Variants in ZNF174 observed in about 807,000 individuals in gnomAD.
ZNF174 encodes AW-1.
ZNF174 carries 30 observed loss-of-function variants against 38.7 expected under a neutral mutation model. The ratio of observed to expected loss-of-function variants is 0.78; its 90% CI spans 0.58 to 1.05. The LOEUF is 1.05. Ranked by LOEUF, ZNF174 falls within the 50% of genes least tolerant of loss-of-function variation. The pLI is 0.00. For synonymous variants in ZNF174, 201 were observed against 181.7 expected (o/e 1.11, Z -0.86); for missense variants, 499 against 495.6 (o/e 1.01, Z -0.06).
Position 3,402,012 on chromosome 16 carries a change from C to G in ZNF174, c.8C>G (p.Ala3Gly). The G allele has an allele frequency of 6.2e-7, 1 of 1,612,264 alleles. No individual in the cohort carries two copies. Among genetic ancestry groups the G allele is most frequent in the Middle Eastern group, 1.7e-4 (1 of 6,058 alleles). MA[A>G]KMEITLSSNT... The stretch of plus-strand genomic sequence containing the variant: ...TGTCTCCTGACGCCCAAAATGGCAG[C>G]TAAAATGGAGATAACTTTAAGCTCC... Residue 3 changes from alanine to glycine, a missense_variant, in exon 1 of 3, where the codon GCT becomes GGT. Coordinates refer to ENST00000268655, the MANE Select transcript of ZNF174 (RefSeq NM_003450.3).
At position 3,408,993 on chromosome 16, in the gene ZNF174, A is replaced by G; in HGVS notation, c.*74A>G. On this transcript the variant is annotated 3_prime_UTR_variant, in exon 3 of 3. Transcript: ENST00000268655. ...CCTCCCCCTTACTTGCATGTAAATC[A>G]CAAAAACTGTGTGACTTACAAGGAA... 9 of 1,403,226 alleles carry G rather than the reference A, an allele frequency of 6.4e-6. No homozygotes were observed. The highest frequency in any genetic ancestry group is 8.7e-6 in the Non-Finnish European group (9 of 1,031,176). The allele number at this position is 1,403,226 out of a possible 1,614,324, so 86.9% of individuals were successfully genotyped here.
intron 1 of ZNF174, among the ~76,000 whole-genome samples, chr16:3,404,093 G>A (rs954914270): frequency 6.6e-6 from 1 of 152,148 alleles, no homozygotes; most frequent in African/African-American, 2.4e-5. Context: ...AGAAGTAGGT[G>A]GGGGGTGGTG....
At chr16:3,405,941 G>A (rs945567975) in intron 2 of ZNF174, among the ~76,000 whole-genome samples, 2 of 152,206 alleles carry the variant, frequency 1.3e-5, no homozygotes, top group African/African-American at 4.8e-5. Context: ...CTGGGAGGTC[G>A]AGGCTGCAGT....
intron 2 of ZNF174, among the ~76,000 whole-genome samples, chr16:3,405,801 G>A (rs1306017745): frequency 6.6e-6 from 1 of 152,200 alleles, no homozygotes. Context: ...AGGCTCAGGA[G>A]TTCGAGACCA....
chr16:3,409,003 T>C lies in ZNF174; in HGVS notation c.*84T>C. ...ACTTGCATGTAAATCACAAAAACTG[T>C]GTGACTTACAAGGAAAGCACGAGGC... is the stretch of plus-strand genomic sequence containing the variant. On this transcript the variant is annotated 3_prime_UTR_variant, in exon 3 of 3. Coordinates refer to ENST00000268655, the MANE Select transcript of ZNF174 (RefSeq NM_003450.3). 1 of 1,374,924 alleles carries C rather than the reference T, an allele frequency of 7.3e-7. No individual in the cohort carries two copies. 85.2% of individuals were successfully genotyped at this position (1,374,924 alleles called of 1,614,324 possible). A position where few individuals can be genotyped will look rare whatever the true frequency, so the allele number is the denominator to read the frequency against.
Position 3,404,560 on chromosome 16 carries a change from C to A in ZNF174, c.537C>A (p.Ser179=), listed in dbSNP as rs370483754. 2 of 1,614,074 alleles carry A rather than the reference C, an allele frequency of 1.2e-6. No individual in the cohort carries two copies. The highest frequency in any genetic ancestry group is 2.7e-5 in the African/African-American group (2 of 74,912). ...GGGAGAGCTCTCCAGCAGAGCCTTC[C>A]CAGGCAGGAGCTTATGACCGGCTGA... ...DLRESSPAEP[S]QAGAYDRLSP... Residue 179 remains serine (S), a synonymous_variant, in exon 2 of 3, where the codon TCC becomes TCA. Transcript: ENST00000268655.
chr16:3,407,729 A>G (rs974921832), intron 2 of ZNF174, among the ~76,000 whole-genome samples: 13 of 152,182 alleles, frequency 8.5e-5, no homozygotes, highest in Admixed American at 5.9e-4. Flanking sequence ...CAGACTGTCA[A>G]TCCTTCTGTA....
At position 3,402,134 on chromosome 16, in the gene ZNF174, C is replaced by G. The variant is rs746310667; in HGVS notation, c.130C>G (p.Leu44Val). ...GCAAAAAAACTGCCCAGATCCTGAGCTCTGCCGCCAGAGCTTCAGACGCTT... is the reference window on the plus strand; with the variant it reads ...GCAAAAAAACTGCCCAGATCCTGAGGTCTGCCGCCAGAGCTTCAGACGCTT... ...PLQKNCPDPE[L>V]CRQSFRRFCY... The change falls in exon 1 of 3, where the codon CTC becomes GTC. Residue 44 changes from leucine to valine, a missense_variant. Coordinates refer to ENST00000268655, the MANE Select transcript of ZNF174 (RefSeq NM_003450.3). 1.9e-6 allele frequency: 3 copies of G among 1,614,100 alleles called. No homozygotes were observed. The highest frequency in any genetic ancestry group is 2.2e-5 in the East Asian group (1 of 44,900).
Position 3,402,036 on chromosome 16 carries a change from C to T in ZNF174, c.32C>T (p.Ser11Phe). MAAKMEITLSSNTEASSKQER... is the reference protein window; with the variant it reads MAAKMEITLSFNTEASSKQER... Reference sequence around the variant, plus strand: ...GCTAAAATGGAGATAACTTTAAGCTCCAACACTGAAGCTTCCTCCAAGCAA... The same window carrying T: ...GCTAAAATGGAGATAACTTTAAGCTTCAACACTGAAGCTTCCTCCAAGCAA... Residue 11 changes from serine to phenylalanine, a missense_variant, in exon 1 of 3, where the codon TCC becomes TTC. Ser to Phe is a radical substitution (Grantham distance 155). Coordinates refer to ENST00000268655, the MANE Select transcript of ZNF174 (RefSeq NM_003450.3). 1 of 1,613,506 alleles carries T rather than the reference C, an allele frequency of 6.2e-7. No homozygotes were observed. The highest frequency in any genetic ancestry group is 8.5e-7 in the Non-Finnish European group (1 of 1,179,894).
chr16:3,404,889 T>C, intron 2 of ZNF174: 1 of 1,612,612 alleles, frequency 6.2e-7, no homozygotes, highest in Non-Finnish European at 8.5e-7. Context: ...GGGTTGTACC[T>C]ACTTTTCTGT....
At chr16:3,404,389 C>G (rs1455875684) in intron 1 of ZNF174, 37 bp from the exon 2 acceptor site, 1 of 1,558,820 alleles carries the variant, frequency 6.4e-7, no homozygotes, top group Non-Finnish European at 8.7e-7. Context: ...TCCCTCAGTC[C>G]TGATGGATGG....
rs1240394146 is a variant in ZNF174, at chr16:3,408,646, G to A, written c.951G>A (p.Gln317=). 1.2e-6 allele frequency: 2 copies of A among 1,614,054 alleles called. No homozygotes were observed. Among genetic ancestry groups the A allele is most frequent in the African/African-American group, 2.7e-5 (2 of 74,924 alleles). The change falls in exon 3 of 3, where the codon CAG becomes CAA. Residue 317 remains glutamine (Q), a synonymous_variant. Coordinates refer to ENST00000268655, the MANE Select transcript of ZNF174 (RefSeq NM_003450.3). The part of the protein sequence containing the change: ...LSNRLQHLGH[Q]PTRSAKKPYK... ...ACCGTTTGCAACATCTTGGTCACCAGCCCACCCGCTCAGCAAAGAAACCCT... is the reference window on the plus strand; with the variant it reads ...ACCGTTTGCAACATCTTGGTCACCAACCCACCCGCTCAGCAAAGAAACCCT...
At position 3,408,425 on chromosome 16, in the gene ZNF174, C is replaced by T. The variant is rs201028212; in HGVS notation, c.730C>T (p.Leu244=). The T allele has an allele frequency of 1.9e-6, 3 of 1,614,174 alleles. No homozygotes were observed. The East Asian group carries it at 6.7e-5, about 36-fold the overall frequency. The change falls in exon 3 of 3, where the codon CTG becomes TTG. Residue 244 remains leucine, a synonymous_variant. Transcript: ENST00000268655. ...AGCTGGCAGATCCAAAGGGAATGGTCTGCAGAATCCTGAACCAAGAGGGGC... is the reference window on the plus strand; with the variant it reads ...AGCTGGCAGATCCAAAGGGAATGGTTTGCAGAATCCTGAACCAAGAGGGGC... ...VSAGRSKGNG[L]QNPEPRGANM...
At position 3,406,931 on chromosome 16, in the gene ZNF174, T is replaced by A. The variant is rs367702580; in HGVS notation, c.626-1390T>A. Among the ~76,000 whole-genome samples the A allele has an allele frequency of 5.9e-5, 9 of 152,344 alleles. 1 individual carries two copies. In the South Asian group the frequency reaches 1.4e-3, roughly 25 times the overall value. On this transcript the variant is annotated intron_variant, in intron 2 of 2. Transcript: ENST00000268655. ...AGCTATTTGGTCCATTTTAAGTTTA[T>A]TTTTTCCCCATACATAAACAAGTCA... is the stretch of plus-strand genomic sequence containing the variant.
chr16:3,405,460 C>T (rs1226036227), intron 2 of ZNF174, among the ~76,000 whole-genome samples: 3 of 152,140 alleles, frequency 2.0e-5, no homozygotes, highest in African/African-American at 7.2e-5. Context: ...CACAGACTGC[C>T]TACTTCTCAG....
Position 3,408,718 on chromosome 16 carries a change from G to A in ZNF174, c.1023G>A (p.Leu341=), listed in dbSNP as rs2034088259. 3.1e-6 allele frequency: 5 copies of A among 1,614,052 alleles called. No homozygotes were observed. The highest frequency in any genetic ancestry group is 1.3e-5 in the African/African-American group (1 of 74,922). ...CGKSFTWNSE[L]KRHKRVHTGE... The stretch of plus-strand genomic sequence containing the variant: ...AAAGCTTCACGTGGAATTCAGAGCT[G>A]AAGAGACACAAGAGAGTCCACACAG... Residue 341 remains leucine (L), a synonymous_variant, in exon 3 of 3, where the codon CTG becomes CTA. Transcript: ENST00000268655.
At chr16:3,407,599 A>G (rs1042400312) in intron 2 of ZNF174, among the ~76,000 whole-genome samples, 2 of 152,242 alleles carry the variant, frequency 1.3e-5, no homozygotes, top group Non-Finnish European at 1.5e-5. Flanking sequence ...AGTGGCTGCC[A>G]TATTGAACAA....
chr16:3,404,733 ATG>A (rs1567341217), intron 2 of ZNF174, 85 bp downstream of exon 2: 6 of 1,563,874 alleles, frequency 3.8e-6, no homozygotes, highest in East Asian at 4.6e-5. Flanking sequence ...CATAGACCAC[ATG>A]TGTGTGTTTT....
At position 3,408,853 on chromosome 16, in the gene ZNF174, G is replaced by T; in HGVS notation, c.1158G>T (p.Gln386His). 2 of 1,614,046 alleles carry T rather than the reference G, an allele frequency of 1.2e-6. No individual in the cohort carries two copies. Among genetic ancestry groups the T allele is most frequent in the East Asian group, 2.2e-5 (1 of 44,888 alleles). ...HTGEKPYQCG[Q>H]CGKSFRQSSN... ...GAGAGAAGCCATACCAGTGTGGCCA[G>T]TGTGGGAAAAGCTTTCGCCAGAGCT... Residue 386 changes from glutamine (Q) to histidine (H), a missense_variant, in exon 3 of 3, where the codon CAG becomes CAT. Physicochemically the swap from Gln to His is conservative, Grantham distance 24 (BLOSUM62 0). Coordinates refer to ENST00000268655, the MANE Select transcript of ZNF174 (RefSeq NM_003450.3).
Sources: allele counts gnomAD v4.1 joint callset (sites outside exome capture counted in the v4.1 genomes callset), GRCh38; gene constraint gnomAD v4.1.1; transcripts MANE v1.5; gene names NCBI Gene and HGNC (gene_info 2026-07-23, HGNC 2026-07-21).